Variants in RAB9B observed in about 807,000 individuals in gnomAD.
RAB9B encodes ras-related protein Rab-9B.
In RAB9B, 1 loss-of-function variant was observed where a neutral mutation model predicts 8.9. The observed-to-expected ratio is 0.11, with a 90% CI of 0.04 to 0.53. The LOEUF (loss-of-function observed/expected upper bound fraction) is 0.53. RAB9B is among the 20% of genes least tolerant of loss of function. The pLI, the probability that RAB9B is intolerant of heterozygous loss-of-function variation, is 0.93. For missense variants in RAB9B, 82 were observed against 152.9 expected (o/e 0.54, Z 2.45); for synonymous variants, 63 against 57.0 (o/e 1.10, Z -0.47).
chrX:103,802,394 A>G, the RAB9B span, among the ~76,000 whole-genome samples: 2 of 111,470 alleles, frequency 1.8e-5, no homozygotes, highest in Non-Finnish European at 3.8e-5. Context: ...AAACAAACAA[A>G]TGATTGACCT....
chrX:103,792,237 G>T, the RAB9B span: 1 of 111,995 alleles, frequency 8.9e-6, no homozygotes, highest in African/African-American at 3.2e-5. Context: ...TATTTAAGGA[G>T]ATGTAAGAGC....
the RAB9B span, among the ~76,000 whole-genome samples, chrX:103,799,123 G>A: frequency 9.2e-6 from 1 of 108,772 alleles, no homozygotes; most frequent in Non-Finnish European, 1.9e-5. Flanking sequence ...AATATTTAAA[G>A]CATATGTTTA....
At chrX:103,789,000 C>T in the RAB9B span, 11 of 334,187 alleles carry the variant, frequency 3.3e-5, no homozygotes, top group African/African-American at 5.2e-5. Flanking sequence ...AAAGTAAATC[C>T]GGGGGAGACA....
In RAB9B at chrX:103,823,548, G is replaced by T. The variant is rs757442446; in HGVS notation, c.*1631C>A. 1.8e-5 allele frequency: 2 copies of T among 111,283 alleles called. No homozygotes were observed. Among genetic ancestry groups the T allele is most frequent in the Non-Finnish European group, 3.8e-5 (2 of 53,093 alleles). The allele number at this position is 111,283 out of a possible 1,213,427, so 9.2% of individuals were successfully genotyped here. A position where few individuals can be genotyped will look rare whatever the true frequency, so the allele number is the denominator to read the frequency against. ...AGCTCCCACCCCCTTCCTGGCCTAGGTCTCTTTTTGGGGTAATTTCTGTCT... is the reference window on the plus strand; with the variant it reads ...AGCTCCCACCCCCTTCCTGGCCTAGTTCTCTTTTTGGGGTAATTTCTGTCT... On this transcript the variant is annotated 3_prime_UTR_variant, in exon 3 of 3. Transcript: ENST00000243298.
chrX:103,816,653 A>G, the RAB9B span, among the ~76,000 whole-genome samples: 1 of 112,194 alleles, frequency 8.9e-6, no homozygotes, highest in East Asian at 2.8e-4. Context: ...CAACCTACAG[A>G]ATGGGAGAAA....
At chrX:103,802,223 A>T in the RAB9B span, among the ~76,000 whole-genome samples, 1 of 86,269 alleles carries the variant, frequency 1.2e-5, no homozygotes, top group Admixed American at 1.4e-4. Context: ...AGAGAGACAG[A>T]GAGAGAGAGA....
chrX:103,812,263 A>T, the RAB9B span, among the ~76,000 whole-genome samples: 2 of 111,637 alleles, frequency 1.8e-5, no homozygotes, highest in African/African-American at 6.5e-5. Flanking sequence ...ATACCATCAC[A>T]TGGAAGATTA....
chrX:103,786,540 G>A, the RAB9B span: 6 of 1,209,056 alleles, frequency 5.0e-6, no homozygotes, highest in Non-Finnish European at 5.6e-6. Flanking sequence ...TGCTGGCTGA[G>A]GGCTTCTACA....
chrX:103,827,718 G>A (rs1480921416), intron 1 of RAB9B, among the ~76,000 whole-genome samples: 11 of 111,732 alleles, frequency 9.8e-5, no homozygotes, highest in Admixed American at 1.9e-4. Context: ...CCAGGCTGGA[G>A]TGCAGTGGTG....
intron 1 of RAB9B, among the ~76,000 whole-genome samples, chrX:103,827,382 T>C (rs1260042987): frequency 8.9e-6 from 1 of 111,976 alleles, no homozygotes; most frequent in African/African-American, 3.2e-5. Flanking sequence ...AGAAAGATGA[T>C]ATTCACAATA....
At chrX:103,786,126 C>T in the RAB9B span, 219 of 1,092,525 alleles carry the variant, frequency 2.0e-4, 1 homozygote, top group South Asian at 4.1e-3. Context: ...AGTTAGGCTC[C>T]TGTTCCTTCA....
the RAB9B span, among the ~76,000 whole-genome samples, chrX:103,815,914 C>A: frequency 9.0e-6 from 1 of 111,450 alleles, no homozygotes; most frequent in East Asian, 2.8e-4. Context: ...CAAACCACTG[C>A]TCAAGGAAAT....
the RAB9B span, chrX:103,790,666 C>G: frequency 5.0e-6 from 4 of 793,939 alleles, no homozygotes; most frequent in Non-Finnish European, 7.8e-6. Context: ...TGCTGCGTCT[C>G]CCATCTTAAC....
At chrX:103,803,239 T>C in the RAB9B span, among the ~76,000 whole-genome samples, 1 of 112,293 alleles carries the variant, frequency 8.9e-6, no homozygotes, top group Admixed American at 9.4e-5. Flanking sequence ...CTGAGACATA[T>C]GATAATTTTA....
At chrX:103,786,804 C>T in the RAB9B span, 2 of 1,066,367 alleles carry the variant, frequency 1.9e-6, no homozygotes, top group Non-Finnish European at 2.6e-6. Flanking sequence ...TCGTCCCCAC[C>T]CAAGGCTGGG....
At chrX:103,806,363 T>C in the RAB9B span, among the ~76,000 whole-genome samples, 1 of 111,743 alleles carries the variant, frequency 8.9e-6, no homozygotes, top group African/African-American at 3.2e-5. Flanking sequence ...ATCTATTGGT[T>C]ATTTAGGTGG....
chrX:103,786,920 G>A, the RAB9B span: 3 of 459,902 alleles, frequency 6.5e-6, no homozygotes, highest in African/African-American at 2.4e-5. Flanking sequence ...CCTTTCAAAG[G>A]TTCCCTAAGC....
chrX:103,790,444 C>G, the RAB9B span: 1 of 691,274 alleles, frequency 1.4e-6, no homozygotes, highest in Non-Finnish European at 2.4e-6. Context: ...TTTATTTCTA[C>G]CCTTCCTCAT....
At chrX:103,809,066 A>G in the RAB9B span, among the ~76,000 whole-genome samples, 1 of 111,987 alleles carries the variant, frequency 8.9e-6, no homozygotes, top group South Asian at 3.8e-4. Context: ...TTTGGGAGGT[A>G]ATTAGGTTTA....
Sources: allele counts gnomAD v4.1 joint callset (sites outside exome capture counted in the v4.1 genomes callset), GRCh38; gene constraint gnomAD v4.1.1; transcripts MANE v1.5; gene names NCBI Gene and HGNC (gene_info 2026-07-23, HGNC 2026-07-21).